Variants in DPY19L1 observed in about 807,000 individuals in gnomAD.
DPY19L1 encodes dpy-19 like C-mannosyltransferase 1, also known as protein C-mannosyl-transferase DPY19L1.
DPY19L1 carries 35 observed loss-of-function variants against 96.9 expected under a neutral mutation model. The observed-to-expected ratio is 0.36, with a 90% CI of 0.28 to 0.48. DPY19L1 has a LOEUF of 0.48. DPY19L1 is among the 20% of genes least tolerant of loss of function. The probability of loss-of-function intolerance (pLI) is 0.99; values close to 1 mark genes in which losing one functional copy is unlikely to be tolerated. For missense variants in DPY19L1, 521 were observed against 777.9 expected (o/e 0.67, Z 3.93); for synonymous variants, 205 against 252.6 (o/e 0.81, Z 1.79).
intron 19 of DPY19L1, among the ~76,000 whole-genome samples, chr7:34,939,852 A>C (rs1783958468): frequency 6.6e-6 from 1 of 152,248 alleles, no homozygotes; most frequent in South Asian, 2.1e-4. Flanking sequence ...TTCATTAAGA[A>C]AATAAGCACA....
rs190540852 is a variant in DPY19L1, at chr7:34,943,395, C to T, written c.1545-756G>A. Among the ~76,000 whole-genome samples the T allele has an allele frequency of 1.5e-3, 234 of 152,214 alleles. 2 individuals are homozygous for T. Among genetic ancestry groups the T allele is most frequent in the Non-Finnish European group, 1.2e-3 (84 of 68,002 alleles). ...CTCTAATCCTACAACCATTTATTAC[C>T]CCAATTTACAGCCAAGGAAAGGAAT... is the stretch of plus-strand genomic sequence containing the variant. On this transcript the variant is annotated intron_variant, in intron 16 of 21. Coordinates refer to ENST00000638088, the MANE Select transcript of DPY19L1 (RefSeq NM_001366673.1).
At chr7:35,029,346 T>C (rs1331888396) in intron 1 of DPY19L1, among the ~76,000 whole-genome samples, 2 of 152,204 alleles carry the variant, frequency 1.3e-5, no homozygotes, top group Non-Finnish European at 2.9e-5. Flanking sequence ...TGAGCATGCA[T>C]AGGGAAGCTG....
intron 7 of DPY19L1, among the ~76,000 whole-genome samples, chr7:34,976,703 C>CAACCCCTCTGTCAGAAGTTA (rs1355241881): frequency 1.3e-5 from 2 of 152,234 alleles, no homozygotes. Context: ...CAATCTTCAG[C>CAACCCCTCTGTCAGAAGTTA]AACCCCTCTG....
In DPY19L1 at chr7:35,011,201, C is replaced by G. The variant is rs1408808816; in HGVS notation, c.670+129G>C. 3 of 1,092,838 alleles carry G rather than the reference C, an allele frequency of 2.7e-6. No homozygotes were observed. The African/African-American group carries it at 5.0e-5, about 18-fold the overall frequency. 67.7% of individuals were successfully genotyped at this position (1,092,838 alleles called of 1,614,324 possible). A position where few individuals can be genotyped will look rare whatever the true frequency, so the allele number is the denominator to read the frequency against. On this transcript the variant is annotated intron_variant, in intron 5 of 21. Coordinates refer to ENST00000638088, the MANE Select transcript of DPY19L1 (RefSeq NM_001366673.1). ...AAAGCCTGCCCAAATTCTGGACTTGCAGAATCTATATATGCATAATAAAAT... is the reference window on the plus strand; with the variant it reads ...AAAGCCTGCCCAAATTCTGGACTTGGAGAATCTATATATGCATAATAAAAT...
intron 21 of DPY19L1, among the ~76,000 whole-genome samples, chr7:34,936,664 T>C (rs910461484): frequency 3.9e-5 from 6 of 152,370 alleles, no homozygotes; most frequent in Admixed American, 2.6e-4. Flanking sequence ...TTCATATACA[T>C]ATTCACAAAC....
At chr7:34,945,082 C>T (rs1311526345) in intron 16 of DPY19L1, among the ~76,000 whole-genome samples, 2 of 152,086 alleles carry the variant, frequency 1.3e-5, no homozygotes, top group Non-Finnish European at 1.5e-5. Flanking sequence ...AATGATCGCT[C>T]CCTTCAGGAG....
chr7:34,992,631 C>T (rs554009014), intron 6 of DPY19L1, among the ~76,000 whole-genome samples: 16 of 150,624 alleles, frequency 1.1e-4, no homozygotes, highest in African/African-American at 3.7e-4. Context: ...ACTGCAGCCT[C>T]GAACTCATGG....
At chr7:35,027,659 C>T (rs1786157307) in intron 1 of DPY19L1, among the ~76,000 whole-genome samples, 1 of 59,902 alleles carries the variant, frequency 1.7e-5, no homozygotes, top group Non-Finnish European at 4.4e-5. Context: ...GGCAAAACCC[C>T]GTCTCTACTA....
In DPY19L1 at chr7:34,938,311, G is replaced by C. The variant is rs144517878; in HGVS notation, c.1965-192C>G. 7.9e-4 allele frequency among the ~76,000 whole-genome samples: 120 copies of C among 152,312 alleles called. 2 individuals carry two copies. The East Asian group carries it at 0.022, about 27-fold the overall frequency. Reference sequence around the variant, plus strand: ...GAAGGCAGGAGGAGGACAAGTTGTGGAGAAGAGGGTGACCTTTAACACACC... The same window carrying C: ...GAAGGCAGGAGGAGGACAAGTTGTGCAGAAGAGGGTGACCTTTAACACACC... On this transcript the variant is annotated intron_variant, in intron 20 of 21. Transcript: ENST00000638088.
At chr7:35,021,910 A>G (rs1786003819) in intron 1 of DPY19L1, among the ~76,000 whole-genome samples, 1 of 152,226 alleles carries the variant, frequency 6.6e-6, no homozygotes, top group African/African-American at 2.4e-5. Flanking sequence ...TTAATTTTAT[A>G]TAAAATTTGG....
intron 6 of DPY19L1, among the ~76,000 whole-genome samples, chr7:34,992,799 T>C (rs1237574894): frequency 6.6e-6 from 1 of 151,292 alleles, no homozygotes; most frequent in Non-Finnish European, 1.5e-5. Context: ...TTATACTCTC[T>C]GTAAAAAAAA....
intron 3 of DPY19L1, among the ~76,000 whole-genome samples, chr7:35,016,081 T>C (rs1785841620): frequency 6.6e-6 from 1 of 152,224 alleles, no homozygotes; most frequent in African/African-American, 2.4e-5. Context: ...AAAATTTTTG[T>C]AGCCTAATTC....
intron 21 of DPY19L1, among the ~76,000 whole-genome samples, chr7:34,935,906 T>G (rs573213173): frequency 2.0e-5 from 3 of 152,316 alleles, no homozygotes; most frequent in South Asian, 4.1e-4. Flanking sequence ...TGTGTCAAGG[T>G]TGAAGCAGAG....
chr7:34,966,986 G>A lies in DPY19L1; in HGVS notation c.1015-15C>T. On this transcript the variant is annotated splice_polypyrimidine_tract_variant and intron_variant, in intron 9 of 21. Coordinates refer to ENST00000638088, the MANE Select transcript of DPY19L1 (RefSeq NM_001366673.1). ...AATGATGCAATCTGAAATTTAAAAA[G>A]AAATTAGAAGTAAAAAAGATAAAAT... 2 of 1,493,248 alleles carry A rather than the reference G, an allele frequency of 1.3e-6. No homozygotes were observed. The highest frequency in any genetic ancestry group is 2.5e-5 in the East Asian group (1 of 39,710). The allele number at this position is 1,493,248 out of a possible 1,614,324, so 92.5% of individuals were successfully genotyped here. A position where few individuals can be genotyped will look rare whatever the true frequency, so the allele number is the denominator to read the frequency against.
intron 16 of DPY19L1, among the ~76,000 whole-genome samples, chr7:34,944,365 CAAAAAA>C (rs60937482): frequency 1.2e-5 from 1 of 82,304 alleles, no homozygotes; most frequent in East Asian, 3.5e-4. Flanking sequence ...GGCTCTGTCT[CAAAAAA>C]AAAAAAAAAA....
At chr7:35,019,916 C>G (rs1024322361) in intron 1 of DPY19L1, among the ~76,000 whole-genome samples, 1 of 152,088 alleles carries the variant, frequency 6.6e-6, no homozygotes, top group Non-Finnish European at 1.5e-5. Context: ...CCCAGCTACT[C>G]GGCTGGAGGA....
intron 13 of DPY19L1, 96 bp from the exon 14 acceptor site, chr7:34,949,994 A>G (rs1390318930): frequency 3.2e-6 from 2 of 623,590 alleles, no homozygotes; most frequent in African/African-American, 3.9e-5. Flanking sequence ...ATTACATTAT[A>G]GAGCCCACTG....
At chr7:34,953,639 G>A (rs959054356) in intron 13 of DPY19L1, among the ~76,000 whole-genome samples, 4 of 152,006 alleles carry the variant, frequency 2.6e-5, no homozygotes, top group South Asian at 2.1e-4. Flanking sequence ...CGAATTTTCC[G>A]CTAGACCATA....
At chr7:35,018,660 C>T in intron 1 of DPY19L1, 64 bp from the exon 2 acceptor site, 1 of 1,409,370 alleles carries the variant, frequency 7.1e-7, no homozygotes, top group South Asian at 1.2e-5. Context: ...ACAGAAAAGC[C>T]ATTTCAAAGA....
Sources: gnomAD v4.1 joint callset for allele counts (sites outside exome capture counted in the v4.1 genomes callset) on GRCh38, gnomAD v4.1.1 for gene constraint, MANE v1.5 for transcripts, NCBI Gene and HGNC (gene_info 2026-07-23, HGNC 2026-07-21) for gene names.